The following AMZ1 variants were observed in gnomAD, a reference collection of about 807,000 sequenced individuals.
AMZ1 encodes archaemetzincin-1.
AMZ1 carries 39 observed loss-of-function variants against 29.9 expected under a neutral mutation model. The observed-to-expected ratio is 1.30, with a 90% CI of 1.01 to 1.70. The LOEUF is 1.70. Ranked by LOEUF, AMZ1 falls within the 40% of genes most tolerant of loss-of-function variation. The pLI, the probability that AMZ1 is intolerant of heterozygous loss-of-function variation, is 0.00. For missense variants in AMZ1, 1,041 were observed against 680.6 expected (o/e 1.53, Z -5.89); for synonymous variants, 458 against 304.0 (o/e 1.51, Z -5.27).
intron 4 of AMZ1, among the ~76,000 whole-genome samples, chr7:2,754,100 A>C (rs1231391568): frequency 1.3e-5 from 2 of 152,172 alleles, no homozygotes; most frequent in Non-Finnish European, 2.9e-5. Context: ...GATGAATGAG[A>C]CCCAGCTTCT....
intron 1 of AMZ1, among the ~76,000 whole-genome samples, chr7:2,695,680 C>T (rs1332283108): frequency 2.0e-5 from 3 of 151,844 alleles, no homozygotes; most frequent in Admixed American, 6.6e-5. Flanking sequence ...CACAGCACTC[C>T]AGCCTGGGCA....
chr7:2,693,368 A>G (rs186765078), intron 1 of AMZ1, among the ~76,000 whole-genome samples: 1 of 151,982 alleles, frequency 6.6e-6, no homozygotes, highest in Non-Finnish European at 1.5e-5. Context: ...GGTGTGAGCC[A>G]CCGTGCCTGG....
chr7:2,740,470 C>A (rs911061333), intron 4 of AMZ1, among the ~76,000 whole-genome samples: 2 of 152,196 alleles, frequency 1.3e-5, no homozygotes, highest in East Asian at 1.9e-4. Context: ...TCACCAGAAC[C>A]TGATGGTGCT....
chr7:2,735,122 T>C (rs991414083), intron 4 of AMZ1, among the ~76,000 whole-genome samples: 2 of 151,998 alleles, frequency 1.3e-5, no homozygotes, highest in African/African-American at 4.8e-5. Context: ...CACTCCCTGA[T>C]TTACGACAAG....
At chr7:2,753,963 C>T (rs1429332387) in intron 4 of AMZ1, among the ~76,000 whole-genome samples, 1 of 152,124 alleles carries the variant, frequency 6.6e-6, no homozygotes, top group Non-Finnish European at 1.5e-5. Context: ...GGCGGCGCAT[C>T]TTAGGTGCTT....
chr7:2,699,745 A>C (rs1361131012), intron 1 of AMZ1, among the ~76,000 whole-genome samples: 1 of 152,110 alleles, frequency 6.6e-6, no homozygotes, highest in Non-Finnish European at 1.5e-5. Flanking sequence ...ACACTTTGTG[A>C]TCATGCCGTG....
rs1255224114 is a variant in AMZ1 at position 2,718,066 on chromosome 7, AG to A, written c.*5189del. ...CCCGTCCAACCTCCTGCCCTCTCTG[AG>A]AGGGGCCCGAGCTCTCGCAAGATTA... On this transcript the variant is annotated 3_prime_UTR_variant, in exon 7 of 7. Transcript: ENST00000683327. 6.6e-6 allele frequency among the ~76,000 whole-genome samples: 1 copy of A among 152,144 alleles called. No individual in the cohort carries two copies. Among genetic ancestry groups the A allele is most frequent in the East Asian group, 1.9e-4 (1 of 5,180 alleles).
At chr7:2,755,869 G>T (rs1791269191) in intron 4 of AMZ1, among the ~76,000 whole-genome samples, 1 of 152,194 alleles carries the variant, frequency 6.6e-6, no homozygotes, top group Admixed American at 6.5e-5. Context: ...TGAAATGGAA[G>T]ATTCAACATT....
chr7:2,692,786 C>T (rs1004340627), intron 1 of AMZ1, among the ~76,000 whole-genome samples: 2 of 152,182 alleles, frequency 1.3e-5, no homozygotes, highest in African/African-American at 4.8e-5. Flanking sequence ...TCACCCAGAG[C>T]AAAGGTTAAA....
At chr7:2,762,260 T>C (rs1299409920), upstream of AMZ1, 1 of 214,546 alleles carries the variant, frequency 4.7e-6, no homozygotes, top group African/African-American at 2.3e-5. Flanking sequence ...CACCCTGACT[T>C]AGGGTCGTCA....
chr7:2,712,470 T>C lies in AMZ1; in HGVS notation c.1089T>C (p.Ser363=), dbSNP rs142573924. The C allele has an allele frequency of 1.1e-3, 1,823 of 1,610,740 alleles. 3 individuals are homozygous for C. Among genetic ancestry groups the C allele is most frequent in the Non-Finnish European group, 1.4e-3 (1,693 of 1,179,470 alleles). ...AGAGTGACTCGGAGCCCGGCACCAG[T>C]GTGTCGGAGCCCCTCACCCCTGATG... ...CCESDSEPGT[S]VSEPLTPDAG... The change falls in exon 7 of 7, where the codon AGT becomes AGC. Residue 363 remains serine, a synonymous_variant. Coordinates refer to ENST00000683327, the MANE Select transcript of AMZ1 (RefSeq NM_001384743.1).
intron 1 of AMZ1, among the ~76,000 whole-genome samples, chr7:2,693,962 G>A (rs74723371): frequency 0.12 from 18,160 of 152,162 alleles, 1,319 homozygotes; most frequent in East Asian, 0.21. Flanking sequence ...AACTCCATGG[G>A]GCCAGGGACC....
chr7:2,732,581 C>CA (rs1789954201), intron 4 of AMZ1, among the ~76,000 whole-genome samples: 1 of 152,100 alleles, frequency 6.6e-6, no homozygotes, highest in Non-Finnish European at 1.5e-5. Context: ...AAAAAACCAA[C>CA]AAAACACCTC....
Position 2,717,130 on chromosome 7 carries a change from G to GGACT in AMZ1, c.*4253_*4256dup, listed in dbSNP as rs1367527541. ...GCTTTCTGGCCCGTGCAGCTCCTTC[G>GGACT]GACTCTGAGGAGAGGCCTGGGTGGG... is the stretch of plus-strand genomic sequence containing the variant. On this transcript the variant is annotated 3_prime_UTR_variant, in exon 7 of 7. Transcript: ENST00000683327. Among the ~76,000 whole-genome samples the GGACT allele has an allele frequency of 6.6e-6, 1 of 152,184 alleles. No individual in the cohort carries two copies. Among genetic ancestry groups the GGACT allele is most frequent in the Non-Finnish European group, 1.5e-5 (1 of 68,030 alleles).
intron 4 of AMZ1, chr7:2,728,602 G>A (rs1422026373): frequency 2.0e-5 from 3 of 152,462 alleles, no homozygotes; most frequent in Non-Finnish European, 4.4e-5. Context: ...AATAATTGAG[G>A]CACAACTACC....
intron 4 of AMZ1, chr7:2,729,132 C>T (rs1789755887): frequency 1.3e-5 from 2 of 152,434 alleles, no homozygotes; most frequent in Admixed American, 1.3e-4. Context: ...CTGCTGTCGC[C>T]AACAGCGCCG....
downstream of AMZ1, among the ~76,000 whole-genome samples, chr7:2,721,977 G>A (rs1238964225): frequency 2.0e-5 from 3 of 152,214 alleles, no homozygotes; most frequent in East Asian, 1.9e-4. Flanking sequence ...ATGATGGCCC[G>A]GCGCAGGTGG....
At chr7:2,757,574 G>A (rs35204498) in intron 4 of AMZ1, among the ~76,000 whole-genome samples, 259 of 152,346 alleles carry the variant, frequency 1.7e-3, no homozygotes, top group Non-Finnish European at 2.5e-3. Flanking sequence ...ACCAGCCTGC[G>A]AGGTTCCGAG....
chr7:2,753,391 T>TCCTCCTGCTTTTGG (rs59648923), intron 4 of AMZ1, among the ~76,000 whole-genome samples: 1 of 151,806 alleles, frequency 6.6e-6, no homozygotes, highest in Non-Finnish European at 1.5e-5. Context: ...GCTCAAGCCA[T>TCCTCCTGCTTTTGG]CCTCCCAAAG....
Sources: gnomAD v4.1 joint callset for allele counts (sites outside exome capture counted in the v4.1 genomes callset) on GRCh38, gnomAD v4.1.1 for gene constraint, MANE v1.5 for transcripts, NCBI Gene and HGNC (gene_info 2026-07-23, HGNC 2026-07-21) for gene names.